The following RUFY3 variants were observed in gnomAD, a reference collection of about 807,000 sequenced individuals.
The protein encoded by RUFY3 is protein RUFY3.
Under a neutral mutation model 84.0 loss-of-function variants are expected in RUFY3, and 34 were observed. The ratio of observed to expected loss-of-function variants is 0.40; its 90% CI spans 0.31 to 0.54. RUFY3 has a LOEUF of 0.54. Among genes scored for constraint, RUFY3 ranks in the 20% least tolerant of loss-of-function variants. The pLI is 0.39. For synonymous variants in RUFY3, 242 were observed against 252.9 expected, an observed-to-expected ratio of 0.96 and a Z score of 0.41; for missense variants, 507 against 736.8, an observed-to-expected ratio of 0.69 and a Z score of 3.61.
chr4:70,776,758 C>T (rs1474914963), intron 7 of RUFY3, among the ~76,000 whole-genome samples: 1 of 152,028 alleles, frequency 6.6e-6, no homozygotes, highest in Non-Finnish European at 1.5e-5. Context: ...CATGGGCAAC[C>T]GAGCGAGACT....
At chr4:70,795,627 A>G (rs1256226699) in intron 14 of RUFY3, among the ~76,000 whole-genome samples, 1 of 152,198 alleles carries the variant, frequency 6.6e-6, no homozygotes, top group African/African-American at 2.4e-5. Context: ...ATCATGGGAA[A>G]TGGAATTAAA....
chr4:70,800,062 C>A, intron 14 of RUFY3, 79 bp from the exon 15 acceptor site: 2 of 1,334,616 alleles, frequency 1.5e-6, no homozygotes, highest in Non-Finnish European at 2.1e-6. Flanking sequence ...CAAACTAAGG[C>A]ATTGCAGAAG....
At chr4:70,774,644 A>AAAAAAATATAT (rs1553916771) in intron 6 of RUFY3, among the ~76,000 whole-genome samples, 2 of 56,680 alleles carry the variant, frequency 3.5e-5, no homozygotes, top group African/African-American at 8.4e-5. Context: ...AAAAAAAAAA[A>AAAAAAATATAT]ATATATATAT....
chr4:70,718,763 G>GCTC (rs1560442100), upstream of RUFY3, among the ~76,000 whole-genome samples: 1 of 151,964 alleles, frequency 6.6e-6, no homozygotes, highest in Non-Finnish European at 1.5e-5. Flanking sequence ...AGTTTCACAG[G>GCTC]CTGGAGTGCA....
chr4:70,705,170 A>C (rs1364660834), exon 1 of RUFY3: 3 of 1,460,028 alleles, frequency 2.1e-6, no homozygotes, highest in Non-Finnish European at 2.7e-6. Flanking sequence ...CCGGCTTCGG[A>C]GTGCGCCCGC....
At chr4:70,704,755 G>A, upstream of RUFY3, 2 of 380,746 alleles carry the variant, frequency 5.3e-6, no homozygotes, top group East Asian at 4.5e-5. Flanking sequence ...CTTGGACCCT[G>A]GCGGGGCGGG....
intron 1 of RUFY3, among the ~76,000 whole-genome samples, chr4:70,709,138 G>A (rs1271155039): frequency 6.6e-6 from 1 of 152,190 alleles, no homozygotes; most frequent in Non-Finnish European, 1.5e-5. Flanking sequence ...AATCTTGCAG[G>A]ATATAATATC....
At chr4:70,794,752 A>G in intron 13 of RUFY3, 43 bp from the exon 14 acceptor site, 1 of 1,298,590 alleles carries the variant, frequency 7.7e-7, no homozygotes, top group Admixed American at 1.7e-5. Flanking sequence ...ATGTCTGTAT[A>G]GAATTCCAAT....
chr4:70,806,816 T>G lies in RUFY3; in HGVS notation c.*157T>G. 3 of 855,688 alleles carry G rather than the reference T, an allele frequency of 3.5e-6. No homozygotes were observed. The highest frequency in any genetic ancestry group is 3.4e-6 in the Non-Finnish European group (2 of 581,246). 53.0% of individuals were successfully genotyped at this position (855,688 alleles called of 1,614,324 possible). On this transcript the variant is annotated 3_prime_UTR_variant, in exon 18 of 18. Transcript: ENST00000381006. ...GAGAAAAGGCAGTGGTTGGGGTTACTGGAAATTTTGCTCATTTTCTCTAAT... is the reference window on the plus strand; with the variant it reads ...GAGAAAAGGCAGTGGTTGGGGTTACGGGAAATTTTGCTCATTTTCTCTAAT...
chr4:70,794,099 A>G, intron 13 of RUFY3, among the ~76,000 whole-genome samples, 195 bp downstream of exon 13: 1 of 152,320 alleles, frequency 6.6e-6, no homozygotes, highest in African/African-American at 2.4e-5. Flanking sequence ...TGATCAAAGA[A>G]TTAGGAAATT....
rs75095549 is a variant in RUFY3 at position 70,773,437 on chromosome 4, T to G, written c.697-74T>G. The G allele has an allele frequency of 8.0e-5, 82 of 1,023,542 alleles. No individual in the cohort carries two copies. The African/African-American group carries it at 1.2e-3, about 15-fold the overall frequency. The allele number at this position is 1,023,542 out of a possible 1,614,324, so 63.4% of individuals were successfully genotyped here. ...TGACTGTATTACTGTTTTGAGTGCC[T>G]AGAAGGAGACATTGTGTTATGCCTT... On this transcript the variant is annotated intron_variant, in intron 5 of 17. Coordinates refer to ENST00000381006, the MANE Select transcript of RUFY3 (RefSeq NM_001037442.4).
intron 1 of RUFY3, among the ~76,000 whole-genome samples, chr4:70,730,429 C>T (rs1037618774): frequency 1.3e-5 from 2 of 151,896 alleles, no homozygotes; most frequent in Non-Finnish European, 2.9e-5. Context: ...ACAACTATTA[C>T]CCCCAATTTA....
chr4:70,759,961 A>G (rs901339406), intron 1 of RUFY3, among the ~76,000 whole-genome samples: 11 of 152,110 alleles, frequency 7.2e-5, no homozygotes, highest in African/African-American at 2.4e-4. Context: ...TAGTTTTCAG[A>G]ACAGAGCCCC....
chr4:70,731,041 T>A (rs997019837), intron 1 of RUFY3, among the ~76,000 whole-genome samples: 52 of 108,230 alleles, frequency 4.8e-4, no homozygotes, highest in African/African-American at 3.5e-3. Flanking sequence ...GATTGCCATC[T>A]TTTTTTTTTT....
chr4:70,716,749 C>T (rs1471114257), intron 1 of RUFY3, among the ~76,000 whole-genome samples: 1 of 149,592 alleles, frequency 6.7e-6, no homozygotes, highest in African/African-American at 2.5e-5. Context: ...GAGTCTGAGA[C>T]AGGAGAATTG....
intron 8 of RUFY3, among the ~76,000 whole-genome samples, chr4:70,780,209 A>G (rs1267491775): frequency 2.6e-5 from 4 of 152,212 alleles, no homozygotes; most frequent in African/African-American, 9.6e-5. Flanking sequence ...GCAATTAAGC[A>G]TGATCTCTAA....
At chr4:70,758,548 A>G (rs967959494) in intron 1 of RUFY3, among the ~76,000 whole-genome samples, 5 of 152,270 alleles carry the variant, frequency 3.3e-5, no homozygotes, top group African/African-American at 9.6e-5. Flanking sequence ...TTCATTTACA[A>G]TGAGCAATAT....
chr4:70,784,051 G>T (rs1313967230), intron 9 of RUFY3, among the ~76,000 whole-genome samples: 1 of 152,198 alleles, frequency 6.6e-6, no homozygotes, highest in African/African-American at 2.4e-5. Context: ...TAAAGTGATT[G>T]ACTTTAATAA....
In RUFY3 at chr4:70,763,532, C is replaced by T; in HGVS notation, c.353-20C>T. On this transcript the variant is annotated intron_variant, in intron 2 of 17. Transcript: ENST00000381006. ...TGTTGTAAAGAATATTAAAATACTG[C>T]TTTATTTTTGTTGCCTTAGCTAAAA... The T allele has an allele frequency of 1.3e-6, 2 of 1,591,718 alleles. No homozygotes were observed. The highest frequency in any genetic ancestry group is 1.7e-6 in the Non-Finnish European group (2 of 1,165,518).
Sources: gnomAD v4.1 joint callset for allele counts (sites outside exome capture counted in the v4.1 genomes callset) on GRCh38, gnomAD v4.1.1 for gene constraint, MANE v1.5 for transcripts, NCBI Gene and HGNC (gene_info 2026-07-23, HGNC 2026-07-21) for gene names.